Variants in CDKAL1 observed in about 807,000 individuals in gnomAD.
CDKAL1 encodes CDKAL1 threonylcarbamoyladenosine tRNA methylthiotransferase.
A neutral mutation model predicts 68.2 loss-of-function variants in CDKAL1; 32 were observed. The observed-to-expected ratio is 0.47, with a 90% CI of 0.35 to 0.63. The LOEUF (loss-of-function observed/expected upper bound fraction) is 0.63. Ranked by LOEUF, CDKAL1 falls within the 30% of genes least tolerant of loss-of-function variation. The probability of loss-of-function intolerance (pLI) is 0.00; values close to 1 mark genes in which losing one functional copy is unlikely to be tolerated. For synonymous variants in CDKAL1, 234 were observed against 244.3 expected (o/e 0.96, Z 0.39); for missense variants, 606 against 696.7 (o/e 0.87, Z 1.47).
At chr6:20,773,282 C>CT (rs906376713) in intron 7 of CDKAL1, among the ~76,000 whole-genome samples, 9 of 152,158 alleles carry the variant, frequency 5.9e-5, no homozygotes, top group African/African-American at 1.9e-4. Flanking sequence ...GAATACCTAC[C>CT]TTTTTTTCTT....
intron 7 of CDKAL1, among the ~76,000 whole-genome samples, chr6:20,770,594 CGAT>C (rs978815819): frequency 2.0e-5 from 3 of 152,094 alleles, no homozygotes; most frequent in Non-Finnish European, 4.4e-5. Context: ...AATTTTAAGA[CGAT>C]GTTTGATTAG....
chr6:21,128,716 C>G (rs1245202300), intron 13 of CDKAL1, among the ~76,000 whole-genome samples: 1 of 152,100 alleles, frequency 6.6e-6, no homozygotes, highest in Non-Finnish European at 1.5e-5. Flanking sequence ...TTCTGGGAAG[C>G]AAAGGCAAAA....
At chr6:20,717,041 T>C (rs1772131046) in intron 5 of CDKAL1, among the ~76,000 whole-genome samples, 1 of 152,074 alleles carries the variant, frequency 6.6e-6, no homozygotes, top group Admixed American at 6.6e-5. Flanking sequence ...AGATGAAGAC[T>C]GAAGATTGAC....
At chr6:21,080,067 T>C (rs929419369) in intron 12 of CDKAL1, among the ~76,000 whole-genome samples, 1 of 149,896 alleles carries the variant, frequency 6.7e-6, no homozygotes, top group Non-Finnish European at 1.5e-5. Flanking sequence ...GAGCCCTGAT[T>C]GGATCATTCT....
intron 11 of CDKAL1, among the ~76,000 whole-genome samples, chr6:21,028,464 A>C (rs1286071426): frequency 6.6e-6 from 1 of 152,160 alleles, no homozygotes; most frequent in Non-Finnish European, 1.5e-5. Context: ...GTTTCTGGTC[A>C]GGTCTCTGTT....
intron 5 of CDKAL1, among the ~76,000 whole-genome samples, chr6:20,738,622 C>T (rs1055163800): frequency 1.3e-5 from 2 of 151,978 alleles, no homozygotes; most frequent in Admixed American, 1.3e-4. Flanking sequence ...GCTCAGCCTC[C>T]AGAGTAGCTA....
intron 11 of CDKAL1, among the ~76,000 whole-genome samples, chr6:21,058,955 C>T (rs1381327339): frequency 4.6e-5 from 7 of 152,188 alleles, no homozygotes; most frequent in Non-Finnish European, 1.0e-4. Flanking sequence ...GTTTGCTGCA[C>T]TGAGAGGAAT....
At chr6:20,960,190 G>A (rs1345059987) in intron 10 of CDKAL1, among the ~76,000 whole-genome samples, 2 of 152,062 alleles carry the variant, frequency 1.3e-5, no homozygotes, top group Non-Finnish European at 2.9e-5. Context: ...ATTTATAGGT[G>A]TGATCATAGC....
At chr6:20,540,166 T>G in intron 2 of CDKAL1, among the ~76,000 whole-genome samples, 1 of 148,724 alleles carries the variant, frequency 6.7e-6, no homozygotes, top group East Asian at 2.0e-4. Flanking sequence ...CTCTGCCTCC[T>G]GGGCTCAGGC....
chr6:20,687,374 G>A (rs372864825), intron 5 of CDKAL1, among the ~76,000 whole-genome samples: 55 of 152,056 alleles, frequency 3.6e-4, no homozygotes, highest in East Asian at 1.7e-3. Flanking sequence ...TATTCACATC[G>A]TCTTTTTCTT....
intron 8 of CDKAL1, among the ~76,000 whole-genome samples, chr6:20,816,120 TCC>T (rs113420828): frequency 1.6e-4 from 14 of 86,530 alleles, no homozygotes; most frequent in African/African-American, 5.1e-4. Context: ...CCTTAATATG[TCC>T]CCCCCCCCGC....
intron 7 of CDKAL1, among the ~76,000 whole-genome samples, chr6:20,767,149 A>G (rs1774738098): frequency 6.6e-6 from 1 of 152,144 alleles, no homozygotes; most frequent in South Asian, 2.1e-4. Flanking sequence ...TTTATTCTTC[A>G]TTAGAGAATG....
intron 4 of CDKAL1, among the ~76,000 whole-genome samples, chr6:20,551,136 A>C (rs1763805966): frequency 6.6e-6 from 1 of 151,978 alleles, no homozygotes; most frequent in South Asian, 2.1e-4. Flanking sequence ...AAGTGCTGGG[A>C]TTACAGGCGT....
chr6:21,035,010 G>A (rs770694108), intron 11 of CDKAL1, among the ~76,000 whole-genome samples: 1 of 152,106 alleles, frequency 6.6e-6, no homozygotes, highest in East Asian at 1.9e-4. Flanking sequence ...CATGTGAAGA[G>A]ATAATTTTTT....
At chr6:21,000,425 T>C in intron 11 of CDKAL1, 53 bp downstream of exon 11, 2 of 1,517,402 alleles carry the variant, frequency 1.3e-6, no homozygotes, top group Non-Finnish European at 1.8e-6. Flanking sequence ...TTTCAAAAGC[T>C]TGTGGCAAAA....
intron 12 of CDKAL1, 27 bp downstream of exon 12, chr6:21,065,255 G>GT (rs1411960688): frequency 6.4e-7 from 1 of 1,569,818 alleles, no homozygotes; most frequent in South Asian, 1.2e-5. Flanking sequence ...GTAAGGTATT[G>GT]TTTTTTGCCA....
intron 10 of CDKAL1, among the ~76,000 whole-genome samples, chr6:20,956,294 CCCT>C (rs895319301): frequency 6.6e-6 from 1 of 152,192 alleles, no homozygotes; most frequent in Non-Finnish European, 1.5e-5. Context: ...GGGATGCTTA[CCCT>C]TAAGTAGCTG....
At chr6:20,638,427 G>C (rs1768001886) in intron 4 of CDKAL1, among the ~76,000 whole-genome samples, 1 of 151,922 alleles carries the variant, frequency 6.6e-6, no homozygotes, top group South Asian at 2.1e-4. Context: ...TGTATGTTAG[G>C]CCTAAGGGCC....
At chr6:20,621,487 C>T (rs1767187795) in intron 4 of CDKAL1, among the ~76,000 whole-genome samples, 1 of 152,244 alleles carries the variant, frequency 6.6e-6, no homozygotes, top group Non-Finnish European at 1.5e-5. Flanking sequence ...TGAGCTTGCA[C>T]TGAAGGAGTC....
Sources: allele counts gnomAD v4.1 joint callset (sites outside exome capture counted in the v4.1 genomes callset), GRCh38; gene constraint gnomAD v4.1.1; transcripts MANE v1.5; gene names NCBI Gene and HGNC (gene_info 2026-07-23, HGNC 2026-07-21).